TENM2: variants seen among roughly 807,000 people sequenced by gnomAD.
TENM2 encodes teneurin transmembrane protein 2.
Under a neutral mutation model 245.2 loss-of-function variants are expected in TENM2, and 52 were observed. The ratio of observed to expected loss-of-function variants is 0.21; its 90% CI spans 0.17 to 0.27. The LOEUF is 0.27. Among genes scored for constraint, TENM2 ranks in the 10% least tolerant of loss-of-function variants. The pLI is 1.00. For missense variants in TENM2, 3,046 were observed against 3,666.8 expected (o/e 0.83, Z 4.37); for synonymous variants, 1,363 against 1,438.9 (o/e 0.95, Z 1.19).
At chr5:167,803,242 G>A (rs1467510345) in intron 2 of TENM2, among the ~76,000 whole-genome samples, 2 of 152,120 alleles carry the variant, frequency 1.3e-5, no homozygotes, top group Non-Finnish European at 2.9e-5. Flanking sequence ...TGCCCCCACT[G>A]CATTCCTAAA....
intron 2 of TENM2, among the ~76,000 whole-genome samples, chr5:167,873,204 T>C (rs1245849501): frequency 6.6e-6 from 1 of 152,200 alleles, no homozygotes; most frequent in Non-Finnish European, 1.5e-5. Flanking sequence ...TATAACAAAA[T>C]TACAAGAAAA....
intron 2 of TENM2, among the ~76,000 whole-genome samples, chr5:167,440,106 A>G (rs968666615): frequency 6.6e-6 from 1 of 152,182 alleles, no homozygotes; most frequent in Non-Finnish European, 1.5e-5. Flanking sequence ...AAAATGGTCT[A>G]TCCAGCCCTT....
At chr5:167,799,771 A>G (rs1765573994) in intron 2 of TENM2, among the ~76,000 whole-genome samples, 1 of 152,226 alleles carries the variant, frequency 6.6e-6, no homozygotes, top group Admixed American at 6.5e-5. Flanking sequence ...GGCAAGATCA[A>G]AAGAAGGATA....
At chr5:167,251,110 C>G in the TENM2 span, among the ~76,000 whole-genome samples, 1 of 151,962 alleles carries the variant, frequency 6.6e-6, no homozygotes, top group Admixed American at 6.6e-5. Flanking sequence ...TGATTAGACT[C>G]TTTATATTCT....
chr5:168,091,707 T>A (rs1439310215), intron 8 of TENM2, among the ~76,000 whole-genome samples: 4 of 152,220 alleles, frequency 2.6e-5, no homozygotes, highest in Non-Finnish European at 4.4e-5. Flanking sequence ...GGAAATGGCA[T>A]GGGCTTCTGG....
chr5:167,845,466 G>A (rs150795914), intron 2 of TENM2, among the ~76,000 whole-genome samples: 2 of 152,204 alleles, frequency 1.3e-5, no homozygotes, highest in East Asian at 3.9e-4. Flanking sequence ...CTTTCCTACT[G>A]TCTAAGAGGA....
the TENM2 span, among the ~76,000 whole-genome samples, chr5:167,071,771 G>A: frequency 1.3e-5 from 2 of 152,068 alleles, no homozygotes; most frequent in Non-Finnish European, 1.5e-5. Context: ...GAGGCTCAGA[G>A]GATTTCAGGG....
intron 2 of TENM2, among the ~76,000 whole-genome samples, chr5:167,568,174 A>G (rs1774030306): frequency 6.6e-6 from 1 of 152,184 alleles, no homozygotes; most frequent in African/African-American, 2.4e-5. Flanking sequence ...ATGGGTGCTT[A>G]GACATGGGAG....
chr5:167,143,388 C>A, the TENM2 span, among the ~76,000 whole-genome samples: 1 of 152,106 alleles, frequency 6.6e-6, no homozygotes, highest in Non-Finnish European at 1.5e-5. Flanking sequence ...ATGCTTTTAC[C>A]ACCATTCGTT....
At chr5:167,041,610 A>T in the TENM2 span, among the ~76,000 whole-genome samples, 1 of 152,212 alleles carries the variant, frequency 6.6e-6, no homozygotes, top group African/African-American at 2.4e-5. Context: ...TTTAACCAAA[A>T]AGAAAATCTA....
At chr5:167,142,607 G>A in the TENM2 span, among the ~76,000 whole-genome samples, 18 of 152,124 alleles carry the variant, frequency 1.2e-4, no homozygotes, top group South Asian at 2.1e-4. Context: ...CTGGAGTGCA[G>A]TGGCACGATC....
At chr5:167,230,533 C>A in the TENM2 span, among the ~76,000 whole-genome samples, 3 of 151,932 alleles carry the variant, frequency 2.0e-5, no homozygotes, top group African/African-American at 7.3e-5. Context: ...TTTTGAAGCC[C>A]CTCCTCTGAG....
At chr5:167,273,382 T>C in the TENM2 span, among the ~76,000 whole-genome samples, 1 of 152,274 alleles carries the variant, frequency 6.6e-6, no homozygotes, top group Non-Finnish European at 1.5e-5. Context: ...TTGGTTACCA[T>C]CCTTCCTACT....
rs758087653 is a variant in TENM2, at chr5:168,244,558, G to T, written c.5659G>T (p.Gly1887Trp). ...CCCCTTCCTCTGGCTGCCCAGCAGC[G>T]GGCTGGCAGCTGTCAACGTGTCATA... The change falls in exon 26 of 29, where the codon GGG (glycine) becomes TGG (tryptophan). Residue 1887 changes from glycine to tryptophan, a missense_variant. Gly to Trp is a radical substitution (Grantham distance 184). Around this residue, in one of 2 missense-constraint regions of TENM2, gnomAD observed 2,704 missense variants for 3,331.9 expected, o/e 0.81. Coordinates refer to ENST00000518659, the Ensembl canonical transcript of TENM2. This position sits in a 1 kb window ranked among gnomAD's most constrained non-coding sequence, Gnocchi z 4.9. 6.2e-7 allele frequency: 1 copy of T among 1,612,304 alleles called. No individual in the cohort carries two copies.
intron 2 of TENM2, among the ~76,000 whole-genome samples, chr5:167,723,482 T>G (rs1036352666): frequency 2.0e-5 from 3 of 152,314 alleles, no homozygotes; most frequent in East Asian, 3.9e-4. Context: ...ACACGTGAGC[T>G]CTGATCTGTC....
intron 2 of TENM2, among the ~76,000 whole-genome samples, chr5:167,490,126 T>C (rs1768333075): frequency 6.6e-6 from 1 of 152,182 alleles, no homozygotes; most frequent in African/African-American, 2.4e-5. Context: ...CAAATTAACC[T>C]CTGGAGAGTT....
At chr5:167,218,800 A>G in the TENM2 span, among the ~76,000 whole-genome samples, 7 of 152,334 alleles carry the variant, frequency 4.6e-5, no homozygotes, top group South Asian at 1.0e-3. Flanking sequence ...TCCTTAGGCA[A>G]AACAAGGGTA....
intron 1 of TENM2, among the ~76,000 whole-genome samples, chr5:167,368,537 A>C (rs954063639): frequency 6.6e-6 from 1 of 152,182 alleles, no homozygotes; most frequent in Non-Finnish European, 1.5e-5. Flanking sequence ...GATATGACCA[A>C]TGATTTTTTT....
chr5:167,505,681 A>G (rs900984604), intron 2 of TENM2, among the ~76,000 whole-genome samples: 1 of 152,202 alleles, frequency 6.6e-6, no homozygotes, highest in Non-Finnish European at 1.5e-5. Flanking sequence ...ATACCCATTT[A>G]CTAAGGGAAT....
Sources: gnomAD v4.1 joint callset for allele counts (sites outside exome capture counted in the v4.1 genomes callset) on GRCh38, gnomAD v4.1.1 for gene constraint, gnomAD v4.1.1 regional missense constraint, Gnocchi (gnomAD v3.1) non-coding constraint, MANE v1.5 for transcripts, NCBI Gene and HGNC (gene_info 2026-07-23, HGNC 2026-07-21) for gene names.